Variants in NEURL1 observed in about 807,000 individuals in gnomAD.
The protein encoded by NEURL1 is E3 ubiquitin-protein ligase NEURL1.
In NEURL1, 26 loss-of-function variants were observed where a neutral mutation model predicts 41.2. The observed-to-expected ratio is 0.63, with a 90% CI of 0.46 to 0.87. The LOEUF (loss-of-function observed/expected upper bound fraction) is 0.87, where lower values mean the gene tolerates loss of function less well. Ranked by LOEUF, NEURL1 falls within the 40% of genes least tolerant of loss-of-function variation. The pLI, the probability that NEURL1 is intolerant of heterozygous loss-of-function variation, is 0.00. For missense variants in NEURL1, 761 were observed against 871.1 expected, an observed-to-expected ratio of 0.87 and a Z score of 1.59; for synonymous variants, 400 against 402.3, an observed-to-expected ratio of 0.99 and a Z score of 0.07.
Position 103,585,025 on chromosome 10 carries a change from G to C in NEURL1, c.1139G>C (p.Arg380Pro), listed in dbSNP as rs756184718. The change falls in exon 4 of 6, where the codon CGC (arginine) becomes CCC (proline). Residue 380 changes from arginine to proline, a missense_variant. Arg to Pro is a moderately radical substitution (Grantham distance 103). Around this residue, in one of 5 missense-constraint regions of NEURL1, gnomAD observed 443 missense variants for 408.1 expected, o/e 1.09. Transcript: ENST00000369780. ...LPFSPEALVD[R>P]KEFWAVCRVP... The stretch of plus-strand genomic sequence containing the variant: ...TTCAGCCCTGAGGCCCTGGTGGACC[G>C]CAAGGAATTCTGGGCCGTGTGCCGC... 6.3e-7 allele frequency: 1 copy of C among 1,583,714 alleles called. No homozygotes were observed. Among genetic ancestry groups the C allele is most frequent in the Non-Finnish European group, 8.5e-7 (1 of 1,173,200 alleles).
At chr10:103,496,074 C>T (rs552872458) in intron 1 of NEURL1, among the ~76,000 whole-genome samples, 1 of 151,382 alleles carries the variant, frequency 6.6e-6, no homozygotes, top group Non-Finnish European at 1.5e-5. Context: ...CGTTCCACTG[C>T]ACTCCAGCCT....
chr10:103,577,597 A>G (rs1373255042), intron 3 of NEURL1: 3 of 152,226 alleles, frequency 2.0e-5, no homozygotes, highest in African/African-American at 7.2e-5. Context: ...TGATCTCCCT[A>G]TTAGGTCTGG....
intron 4 of NEURL1, chr10:103,588,678 G>C: frequency 2.4e-6 from 1 of 421,904 alleles, no homozygotes; most frequent in Non-Finnish European, 4.8e-6. Context: ...CGGGCGCAGC[G>C]GCTCACCCCA....
intron 1 of NEURL1, among the ~76,000 whole-genome samples, chr10:103,519,236 G>A (rs1249984118): frequency 6.6e-6 from 1 of 151,892 alleles, no homozygotes; most frequent in Admixed American, 6.6e-5. Context: ...AACAGAGCAA[G>A]ACTCTGTCTC....
chr10:103,493,924 C>T lies in NEURL1; in HGVS notation c.-464C>T, dbSNP rs946991275. On this transcript the variant is annotated 5_prime_UTR_variant, in exon 1 of 6. Transcript: ENST00000369780. ...CCCGCGGGCGGGAGGGAGCCACGCACATCGCCGCCGCGGCCGTCTCCGCGG... is the reference window on the plus strand; with the variant it reads ...CCCGCGGGCGGGAGGGAGCCACGCATATCGCCGCCGCGGCCGTCTCCGCGG... 2.0e-5 allele frequency: 3 copies of T among 152,812 alleles called. No individual in the cohort carries two copies. The Admixed American group carries it at 2.0e-4, about 10-fold the overall frequency. The allele number at this position is 152,812 out of a possible 1,614,324, so 9.5% of individuals were successfully genotyped here. A position where few individuals can be genotyped will look rare whatever the true frequency, so the allele number is the denominator to read the frequency against.
chr10:103,527,155 G>A (rs115714021), intron 1 of NEURL1, among the ~76,000 whole-genome samples: 2 of 152,216 alleles, frequency 1.3e-5, no homozygotes, highest in African/African-American at 4.8e-5. Context: ...GGTAACTTAG[G>A]GATGTTGCCA....
rs1367898479 is a variant in NEURL1 at position 103,566,426 on chromosome 10, CT to C, written c.86-4442del. On this transcript the variant is annotated intron_variant, in intron 1 of 5. Transcript: ENST00000369780. This position sits in a 1 kb window ranked among gnomAD's most constrained non-coding sequence, Gnocchi z 4.2. Reference sequence around the variant, plus strand: ...GATCTCTGTCTCTCTCTAGTTTTGCCTTTTCCAAAATATCATACGGATGGAA... The same window carrying C: ...GATCTCTGTCTCTCTCTAGTTTTGCCTTTCCAAAATATCATACGGATGGAA... Among the ~76,000 whole-genome samples, 1 of 152,160 alleles carries C rather than the reference CT, an allele frequency of 6.6e-6. No individual in the cohort carries two copies. The highest frequency in any genetic ancestry group is 1.5e-5 in the Non-Finnish European group (1 of 68,046).
At chr10:103,529,883 C>G (rs1459886177) in intron 1 of NEURL1, among the ~76,000 whole-genome samples, 1 of 152,062 alleles carries the variant, frequency 6.6e-6, no homozygotes, top group Non-Finnish European at 1.5e-5. Context: ...GGAAAGCGGT[C>G]ACAATTCAGA....
rs553526126 is a variant in NEURL1, at chr10:103,571,584, G to A, written c.411G>A (p.Ser137=). Residue 137 remains serine, a synonymous_variant, in exon 3 of 6, where the codon TCG becomes TCA. Transcript: ENST00000369780. ...SKDPSRIHPD[S]LPKYACPDLV... ...ACCCGTCCCGCATCCACCCTGACTCGCTGCCCAAGTACGCCTGCCCCGACC... is the reference window on the plus strand; with the variant it reads ...ACCCGTCCCGCATCCACCCTGACTCACTGCCCAAGTACGCCTGCCCCGACC... 6.7e-5 allele frequency: 108 copies of A among 1,613,758 alleles called. No homozygotes were observed. The highest frequency in any genetic ancestry group is 1.7e-4 in the Middle Eastern group (1 of 6,060).
At chr10:103,582,040 A>G (rs1245013559) in intron 3 of NEURL1, among the ~76,000 whole-genome samples, 1 of 152,172 alleles carries the variant, frequency 6.6e-6, no homozygotes, top group African/African-American at 2.4e-5. Context: ...AGCCCCATTA[A>G]GAGCTCTGTT....
At chr10:103,577,077 C>G (rs1447941878) in intron 3 of NEURL1, among the ~76,000 whole-genome samples, 2 of 152,206 alleles carry the variant, frequency 1.3e-5, no homozygotes, top group Non-Finnish European at 1.5e-5. Flanking sequence ...TTTAAGGAGC[C>G]TGAGCCAGCT....
intron 4 of NEURL1, 85 bp downstream of exon 4, chr10:103,585,310 T>A: frequency 8.5e-7 from 1 of 1,178,882 alleles, no homozygotes; most frequent in Non-Finnish European, 1.1e-6. Flanking sequence ...GAGCTCCCCT[T>A]CCTCCAGGCT....
chr10:103,575,806 C>T (rs1209377089), intron 3 of NEURL1, among the ~76,000 whole-genome samples: 2 of 152,248 alleles, frequency 1.3e-5, no homozygotes, highest in Non-Finnish European at 2.9e-5. Flanking sequence ...TAACAGCTTC[C>T]TTCCTCCAGG....
chr10:103,563,950 G>A (rs1370544850), intron 1 of NEURL1, among the ~76,000 whole-genome samples: 1 of 152,190 alleles, frequency 6.6e-6, no homozygotes, highest in African/African-American at 2.4e-5. Context: ...AGCCATGAGA[G>A]GCTGGGCACT....
At chr10:103,539,877 T>C (rs977725210) in intron 1 of NEURL1, among the ~76,000 whole-genome samples, 2 of 152,230 alleles carry the variant, frequency 1.3e-5, no homozygotes, top group African/African-American at 4.8e-5. Context: ...TCCTTTGGTT[T>C]TGGTTTTCTG....
chr10:103,547,573 C>T (rs2034948191), intron 1 of NEURL1, among the ~76,000 whole-genome samples: 1 of 152,196 alleles, frequency 6.6e-6, no homozygotes, highest in African/African-American at 2.4e-5. Context: ...GAAGCAGAAT[C>T]CCCAGAGGAA....
chr10:103,553,139 C>T (rs143135452), intron 1 of NEURL1, among the ~76,000 whole-genome samples: 1 of 152,144 alleles, frequency 6.6e-6, no homozygotes, highest in African/African-American at 2.4e-5. Context: ...GCTACAGGAA[C>T]AGCCTCCAAA....
At chr10:103,574,700 G>A (rs1391991805) in intron 3 of NEURL1, among the ~76,000 whole-genome samples, 1 of 152,222 alleles carries the variant, frequency 6.6e-6, no homozygotes, top group Non-Finnish European at 1.5e-5. Flanking sequence ...CTCAGGGGCT[G>A]AGGAGGGCTT....
intron 1 of NEURL1, among the ~76,000 whole-genome samples, chr10:103,561,077 C>T (rs779277062): frequency 1.2e-4 from 18 of 152,198 alleles, no homozygotes; most frequent in Admixed American, 3.9e-4. Flanking sequence ...AGCTTACTCA[C>T]GTGGCTATGG....
Sources: gnomAD v4.1 joint callset for allele counts (sites outside exome capture counted in the v4.1 genomes callset) on GRCh38, gnomAD v4.1.1 for gene constraint, gnomAD v4.1.1 regional missense constraint, Gnocchi (gnomAD v3.1) non-coding constraint, MANE v1.5 for transcripts, NCBI Gene and HGNC (gene_info 2026-07-23, HGNC 2026-07-21) for gene names.